Variants in DAO observed in about 807,000 individuals in gnomAD.
The protein encoded by DAO is D-amino-acid oxidase.
A neutral mutation model predicts 50.1 loss-of-function variants in DAO; 51 were observed. The ratio of observed to expected loss-of-function variants is 1.02; its 90% CI spans 0.81 to 1.29. DAO has a LOEUF of 1.29. DAO is among the 50% of genes most tolerant of loss of function. The pLI is 0.00. For missense variants in DAO, 436 were observed against 439.4 expected, an observed-to-expected ratio of 0.99 and a Z score of 0.07; for synonymous variants, 160 against 166.2, an observed-to-expected ratio of 0.96 and a Z score of 0.29.
Position 108,885,106 on chromosome 12 carries a change from GTC to G in DAO, c.102_103del (p.Tyr35ArgfsTer23). 6.2e-7 allele frequency: 1 copy of G among 1,614,032 alleles called. No individual in the cohort carries two copies. Among genetic ancestry groups the G allele is most frequent in the South Asian group, 1.1e-5 (1 of 91,084 alleles). On this transcript the variant is annotated frameshift_variant, in exon 2 of 11. Coordinates refer to ENST00000228476, the MANE Select transcript of DAO (RefSeq NM_001917.5). LOFTEE classifies it high-confidence loss of function. ...AGTCCTGCAGCCACTGGACATAAAG[GTC>G]TACGCGGACCGCTTCACCCCACTCA... Reference protein sequence around the residue: ...HSVLQPLDIKVYADRFTPLTT... With the variant: ...HSVLQPLDIKXYADRFTPLTT...
intron 1 of DAO, among the ~76,000 whole-genome samples, chr12:108,881,610 T>TC (rs796406486): frequency 0.012 from 1,713 of 148,540 alleles, 49 homozygotes; most frequent in African/African-American, 0.04. Context: ...AATTTTTTTT[T>TC]TTTTTTTTTT....
chr12:108,899,694 A>C (rs1045148682), intron 10 of DAO: 29 of 595,958 alleles, frequency 4.9e-5, no homozygotes, highest in Non-Finnish European at 8.5e-5. Flanking sequence ...TGGTGATGTT[A>C]ATGGAGGTGG....
At chr12:108,880,725 T>A (rs557974935) in intron 1 of DAO, among the ~76,000 whole-genome samples, 93 of 151,706 alleles carry the variant, frequency 6.1e-4, no homozygotes, top group Middle Eastern at 3.4e-3. Flanking sequence ...TTTTTTTTTT[T>A]AAAAAGAAGT....
At position 108,892,997 on chromosome 12, in the gene DAO, A is replaced by G; in HGVS notation, c.468A>G (p.Gly156=). The G allele has an allele frequency of 6.2e-7, 1 of 1,613,962 alleles. No homozygotes were observed. Among genetic ancestry groups the G allele is most frequent in the Non-Finnish European group, 8.5e-7 (1 of 1,179,930 alleles). ...QWLTERLTER[G]VKFFQRKVES... ...ATCATCCCAGGTTAACTGAGAGGGG[A>G]GTGAAGTTCTTCCAGCGGAAAGTGG... The change falls in exon 6 of 11, where the codon GGA becomes GGG. Residue 156 remains glycine, a synonymous_variant. Coordinates refer to ENST00000228476, the MANE Select transcript of DAO (RefSeq NM_001917.5).
rs2039468460 is a variant in DAO, at chr12:108,889,558, T to G, written c.386+13T>G. 2.5e-5 allele frequency: 40 copies of G among 1,607,876 alleles called. No individual in the cohort carries two copies. Among genetic ancestry groups the G allele is most frequent in the Non-Finnish European group, 3.1e-5 (36 of 1,175,308 alleles). The stretch of plus-strand genomic sequence containing the variant: ...TCCCAGATTACGGGTGAGTTTATTG[T>G]CACAGGCAAAGGGGACTGGGGCCTG... On this transcript the variant is annotated intron_variant, in intron 4 of 10. Coordinates refer to ENST00000228476, the MANE Select transcript of DAO (RefSeq NM_001917.5).
chr12:108,889,974 G>A (rs1326528898), intron 4 of DAO, among the ~76,000 whole-genome samples: 5 of 151,830 alleles, frequency 3.3e-5, no homozygotes, highest in Admixed American at 6.6e-5. Context: ...TCCCCTCTAC[G>A]AATGCACATT....
intron 8 of DAO, chr12:108,898,460 T>G: frequency 1.8e-6 from 1 of 568,614 alleles, no homozygotes; most frequent in Admixed American, 2.5e-5. Flanking sequence ...TGATGACCTA[T>G]TAATGATAGT....
At chr12:108,888,326 A>G (rs2039456029) in intron 3 of DAO, among the ~76,000 whole-genome samples, 1 of 148,248 alleles carries the variant, frequency 6.7e-6, no homozygotes, top group African/African-American at 2.5e-5. Context: ...GTTACCTTTC[A>G]TGGGACCAAG....
intron 3 of DAO, among the ~76,000 whole-genome samples, chr12:108,889,113 T>G (rs979814555): frequency 3.9e-5 from 6 of 151,976 alleles, no homozygotes; most frequent in African/African-American, 1.5e-4. Context: ...ATTATCATTT[T>G]TTTTTTTTTT....
intron 7 of DAO, among the ~76,000 whole-genome samples, chr12:108,896,348 G>A (rs1184322161): frequency 3.2e-5 from 4 of 126,174 alleles, no homozygotes; most frequent in East Asian, 2.4e-4. Flanking sequence ...GCTTGAACCC[G>A]GGAGGCAGAG....
Position 108,897,102 on chromosome 12 carries a change from G to A in DAO, c.695+14G>A, listed in dbSNP as rs758786375. 3 of 1,595,682 alleles carry A rather than the reference G, an allele frequency of 1.9e-6. No individual in the cohort carries two copies. Among genetic ancestry groups the A allele is most frequent in the African/African-American group, 2.7e-5 (2 of 74,556 alleles). On this transcript the variant is annotated intron_variant, in intron 8 of 10. Transcript: ENST00000228476. ...CATCATCCCAGGGTAAAATTGGACT[G>A]TTCTCGGGCAGAAGAGTGGTCCCCT...
intron 9 of DAO, among the ~76,000 whole-genome samples, chr12:108,899,176 T>C (rs1018994811): frequency 6.6e-6 from 1 of 151,970 alleles, no homozygotes; most frequent in Non-Finnish European, 1.5e-5. Context: ...ATGATGGAAT[T>C]GGTGGAAAGG....
rs751062244 is a variant in DAO, at chr12:108,900,487, A to C, written c.996A>C (p.Arg332Ser). 1 of 1,614,148 alleles carries C rather than the reference A, an allele frequency of 6.2e-7. No individual in the cohort carries two copies. The highest frequency in any genetic ancestry group is 1.1e-5 in the South Asian group (1 of 91,084). The change falls in exon 11 of 11, where the codon AGA becomes AGC. Residue 332 changes from arginine to serine, a missense_variant. Arg to Ser is a moderately radical substitution (Grantham distance 110). Coordinates refer to ENST00000228476, the MANE Select transcript of DAO (RefSeq NM_001917.5). ...CALEAAKLFG[R>S]ILEEKKLSRM... ...TGGAGGCAGCCAAGCTCTTTGGGAG[A>C]ATCCTGGAAGAAAAGAAATTGTCCA...
At chr12:108,891,863 G>T (rs1593162848) in intron 5 of DAO, among the ~76,000 whole-genome samples, 3 of 151,956 alleles carry the variant, frequency 2.0e-5, no homozygotes, top group Admixed American at 2.0e-4. Flanking sequence ...GCCTCCCAAA[G>T]TGCTGGGATT....
Position 108,887,406 on chromosome 12 carries a change from C to T in DAO, c.195-44C>T. On this transcript the variant is annotated intron_variant, in intron 2 of 10. Transcript: ENST00000228476. ...GCCAGCTGACCTAAGGTTTTTTGCC[C>T]AGCTCAGGGCATTGGGTGATCGAAC... The T allele has an allele frequency of 2.7e-6, 4 of 1,478,680 alleles. No homozygotes were observed. The East Asian group carries it at 9.0e-5, about 33-fold the overall frequency. The allele number at this position is 1,478,680 out of a possible 1,614,324, so 91.6% of individuals were successfully genotyped here.
intron 7 of DAO, among the ~76,000 whole-genome samples, chr12:108,896,293 G>C (rs1258373340): frequency 6.0e-5 from 9 of 151,072 alleles, no homozygotes; most frequent in Non-Finnish European, 1.2e-4. Context: ...TGTGGTGGCA[G>C]GTGCCTGTAA....
chr12:108,890,225 C>G lies in DAO; in HGVS notation c.404C>G (p.Thr135Arg), dbSNP rs747922045. Residue 135 changes from threonine (T) to arginine (R), a missense_variant, in exon 5 of 11, where the codon ACA becomes AGA. Physicochemically the swap from Thr to Arg is moderately conservative, Grantham distance 71. Coordinates refer to ENST00000228476, the MANE Select transcript of DAO (RefSeq NM_001917.5). The part of the protein sequence containing the change: ...FPDYGYGWFH[T>R]SLILEGKNYL... ...GACTCTAGCTATGGCTGGTTCCACA[C>G]AAGCCTAATTCTGGAGGGAAAGAAC... 3 of 1,613,618 alleles carry G rather than the reference C, an allele frequency of 1.9e-6. No individual in the cohort carries two copies. The highest frequency in any genetic ancestry group is 2.5e-6 in the Non-Finnish European group (3 of 1,179,532).
In DAO at chr12:108,896,419, C is replaced by CAAAAAAAAAAAAAAAAAA. The variant is rs386377704; in HGVS notation, c.613-581_613-564dup. On this transcript the variant is annotated intron_variant, in intron 7 of 10. Coordinates refer to ENST00000228476, the MANE Select transcript of DAO (RefSeq NM_001917.5). ...GCCTGGCAACAGAGCGAGGCTGTCT[C>CAAAAAAAAAAAAAAAAAA]AAAAAAAAAAAAAAAAAAAAAAATT... Among the ~76,000 whole-genome samples, 84 of 59,536 alleles carry CAAAAAAAAAAAAAAAAAA rather than the reference C, an allele frequency of 1.4e-3. 2 individuals carry two copies. Among genetic ancestry groups the CAAAAAAAAAAAAAAAAAA allele is most frequent in the African/African-American group, 1.8e-3 (29 of 15,724 alleles). 39.1% of individuals were successfully genotyped at this position (59,536 alleles called of 152,430 possible).
chr12:108,895,861 TG>T (rs1347842698), intron 7 of DAO, among the ~76,000 whole-genome samples: 2 of 151,802 alleles, frequency 1.3e-5, no homozygotes, highest in Non-Finnish European at 2.9e-5. Context: ...GTGTTCCTAA[TG>T]TGGGCTGATG....
Sources: gnomAD v4.1 joint callset for allele counts (sites outside exome capture counted in the v4.1 genomes callset) on GRCh38, gnomAD v4.1.1 for gene constraint, MANE v1.5 for transcripts, NCBI Gene and HGNC (gene_info 2026-07-23, HGNC 2026-07-21) for gene names.